CEP131: variants seen among roughly 807,000 people sequenced by gnomAD.
CEP131 encodes the protein centrosomal protein of 131 kDa.
In CEP131, 99 loss-of-function variants were observed where a neutral mutation model predicts 136.8. The observed-to-expected ratio is 0.72, with a 90% CI of 0.62 to 0.86. CEP131 has a LOEUF of 0.86. Ranked by LOEUF, CEP131 falls within the 40% of genes least tolerant of loss-of-function variation. The probability of loss-of-function intolerance (pLI) is 0.00; values close to 1 mark genes in which losing one functional copy is unlikely to be tolerated. For synonymous variants in CEP131, 646 were observed against 612.7 expected, an observed-to-expected ratio of 1.05 and a Z score of -0.80; for missense variants, 1,459 against 1,463.0, an observed-to-expected ratio of 1.00 and a Z score of 0.04.
intron 3 of CEP131, among the ~76,000 whole-genome samples, chr17:81,207,505 TTTTC>T (rs2062033727): frequency 6.6e-6 from 1 of 151,000 alleles, no homozygotes; most frequent in Non-Finnish European, 1.5e-5. Context: ...TTGTTTTTTC[TTTTC>T]TTTTTTTTTT....
intron 1 of CEP131, among the ~76,000 whole-genome samples, chr17:81,220,530 T>C (rs113968954): frequency 0.069 from 10,530 of 152,214 alleles, 824 homozygotes; most frequent in African/African-American, 0.2. Flanking sequence ...GTCTCGTTCT[T>C]GTCACCCAGG....
intron 5 of CEP131, among the ~76,000 whole-genome samples, chr17:81,205,376 CAGTGGGGT>C (rs2061981872): frequency 8.6e-6 from 1 of 116,858 alleles, no homozygotes; most frequent in Admixed American, 8.3e-5. Context: ...GGAGGGGCAG[CAGTGGGGT>C]AGGAGGGGCA....
At chr17:81,191,578 C>A (rs1032448357) in intron 21 of CEP131, among the ~76,000 whole-genome samples, 2 of 152,200 alleles carry the variant, frequency 1.3e-5, no homozygotes, top group Non-Finnish European at 2.9e-5. Flanking sequence ...AGACCCACAG[C>A]CCATGACAAC....
In CEP131 at chr17:81,192,987, A is replaced by G. The variant is rs551368080; in HGVS notation, c.2322-144T>C. On this transcript the variant is annotated intron_variant, in intron 18 of 25. Transcript: ENST00000450824. Reference sequence around the variant, plus strand: ...GCCCTGCCCCTCCCCCTCGGCAGTCAAGGCCCCTCAAAGCCACCGCCCGGG... The same window carrying G: ...GCCCTGCCCCTCCCCCTCGGCAGTCGAGGCCCCTCAAAGCCACCGCCCGGG... 5.9e-5 allele frequency: 80 copies of G among 1,361,252 alleles called. No homozygotes were observed. In the Admixed American group the frequency reaches 1.1e-3, roughly 18 times the overall value. The allele number at this position is 1,361,252 out of a possible 1,614,324, so 84.3% of individuals were successfully genotyped here.
Position 81,206,831 on chromosome 17 carries a change from C to T in CEP131, c.428G>A (p.Arg143Gln), listed in dbSNP as rs771788452. The T allele has an allele frequency of 2.7e-5, 43 of 1,613,950 alleles. No individual in the cohort carries two copies. Among genetic ancestry groups the T allele is most frequent in the East Asian group, 1.8e-4 (8 of 44,886 alleles). ...TGGTGAGTCAAGGGCACTGGAACTCCGGGCATTGGATGGCAAGGTGAAGCC... is the reference window on the plus strand; with the variant it reads ...TGGTGAGTCAAGGGCACTGGAACTCTGGGCATTGGATGGCAAGGTGAAGCC... Reference protein sequence around the residue: ...PRGFTLPSNARSSSALDSPAG... With the variant: ...PRGFTLPSNAQSSSALDSPAG... The change falls in exon 5 of 26, where the codon CGG (arginine) becomes CAG (glutamine). Residue 143 changes from arginine (R) to glutamine (Q), a missense_variant. By Grantham distance (43) the Arg-to-Gln change is conservative. Transcript: ENST00000450824.
At chr17:81,216,941 C>T (rs929228670) in intron 2 of CEP131, among the ~76,000 whole-genome samples, 9 of 151,862 alleles carry the variant, frequency 5.9e-5, no homozygotes, top group African/African-American at 9.7e-5. Flanking sequence ...ACGGACACCA[C>T]GGTGGAAAGG....
chr17:81,216,400 G>A (rs2062247680), intron 2 of CEP131, among the ~76,000 whole-genome samples: 1 of 152,126 alleles, frequency 6.6e-6, no homozygotes, highest in South Asian at 2.1e-4. Context: ...GCAGGGTGGT[G>A]AGCACCTGTA....
chr17:81,195,302 C>T (rs112818732), intron 16 of CEP131, among the ~76,000 whole-genome samples: 12,954 of 152,196 alleles, frequency 0.085, 715 homozygotes, highest in African/African-American at 0.16. Flanking sequence ...TGGCAGTCCT[C>T]AACCCCGGCT....
At chr17:81,206,999 C>A in intron 4 of CEP131, 126 bp downstream of exon 4, 1 of 1,519,224 alleles carries the variant, frequency 6.6e-7, no homozygotes, top group South Asian at 1.3e-5. Context: ...TGGGGTCTGC[C>A]ATGTCAGATC....
chr17:81,193,986 T>C lies in CEP131; in HGVS notation c.2261A>G (p.Glu754Gly). The C allele has an allele frequency of 6.5e-7, 1 of 1,549,658 alleles. No individual in the cohort carries two copies. Among genetic ancestry groups the C allele is most frequent in the African/African-American group, 1.4e-5 (1 of 72,826 alleles). ...RCLRQAEELR[E>G]QLEREKEALG... ...CGCCTCCTTCTCCCGCTCCAGCTGC[T>C]CCCGCAGCTCCTCGGCCTGGCGCAG... The change falls in exon 18 of 26, where the codon GAG becomes GGG. Residue 754 changes from glutamate (E) to glycine (G), a missense_variant. Glu to Gly is a moderately conservative substitution (Grantham distance 98). This residue lies in a region of CEP131 where 1,026 missense variants were observed against 964.2 expected (regional missense o/e 1.06). Coordinates refer to ENST00000450824, the MANE Select transcript of CEP131 (RefSeq NM_014984.4).
chr17:81,196,742 A>G lies in CEP131; in HGVS notation c.1858T>C (p.Tyr620His). 1 of 1,603,166 alleles carries G rather than the reference A, an allele frequency of 6.2e-7. No individual in the cohort carries two copies. Among genetic ancestry groups the G allele is most frequent in the Non-Finnish European group, 8.5e-7 (1 of 1,177,016 alleles). The stretch of plus-strand genomic sequence containing the variant: ...AAGTGCCGCTGGATGGTGGCCTCGT[A>G]GTGCTCCCTCTGCCGCTGCAGCTGC... ...SRQLQRQREHYEATIQRHLAF... is the reference protein window; with the variant it reads ...SRQLQRQREHHEATIQRHLAF... Residue 620 changes from tyrosine (Y) to histidine (H), a missense_variant, in exon 15 of 26, where the codon TAC (tyrosine) becomes CAC (histidine). Transcript: ENST00000450824.
chr17:81,192,609 A>G lies in CEP131; in HGVS notation c.2430-16T>C, dbSNP rs756880021. ...CGCCCGCTGCCTGCGGCCAGGGAGG[A>G]GTCAGCAGGTGAGGGGTCATCGAGT... is the stretch of plus-strand genomic sequence containing the variant. On this transcript the variant is annotated splice_polypyrimidine_tract_variant and intron_variant, in intron 19 of 25. Coordinates refer to ENST00000450824, the MANE Select transcript of CEP131 (RefSeq NM_014984.4). The G allele has an allele frequency of 1.3e-6, 2 of 1,534,450 alleles. No homozygotes were observed. Among genetic ancestry groups the G allele is most frequent in the Non-Finnish European group, 1.8e-6 (2 of 1,139,322 alleles).
At chr17:81,213,486 G>A (rs2062178858) in intron 2 of CEP131, among the ~76,000 whole-genome samples, 1 of 151,898 alleles carries the variant, frequency 6.6e-6, no homozygotes, top group Admixed American at 6.6e-5. Context: ...TTGAACCCGG[G>A]AGGCGGAGAT....
Position 81,197,035 on chromosome 17 carries a change from C to A in CEP131, c.1668G>T (p.Gly556=). 1.3e-6 allele frequency: 2 copies of A among 1,589,004 alleles called. No individual in the cohort carries two copies. The highest frequency in any genetic ancestry group is 1.7e-6 in the Non-Finnish European group (2 of 1,167,918). Residue 556 remains glycine, a synonymous_variant, in exon 14 of 26, where the codon GGG becomes GGT. Coordinates refer to ENST00000450824, the MANE Select transcript of CEP131 (RefSeq NM_014984.4). ...SQQEGWVPEA[G]PGPLELGSEV... ...CGGACCCCAGCTCCAGGGGCCCCGG[C>A]CCCGCCTCCGGCACCCACCCCTGCA...
intron 2 of CEP131, among the ~76,000 whole-genome samples, chr17:81,216,937 A>G (rs973266201): frequency 6.6e-6 from 1 of 151,930 alleles, no homozygotes; most frequent in Non-Finnish European, 1.5e-5. Context: ...ACTGACGGAC[A>G]CCACGGTGGA....
rs9896314 is a variant in CEP131 at position 81,208,867 on chromosome 17, A to G, written c.272+61T>C. 0.95 allele frequency: 1,257,828 copies of G among 1,326,124 alleles called. 597,395 individuals carry two copies. Among genetic ancestry groups the G allele is most frequent in the Non-Finnish European group, 0.96 (894,706 of 929,282 alleles). 82.1% of individuals were successfully genotyped at this position (1,326,124 alleles called of 1,614,324 possible). On this transcript the variant is annotated intron_variant, in intron 3 of 25. Coordinates refer to ENST00000450824, the MANE Select transcript of CEP131 (RefSeq NM_014984.4). This position sits in a 1 kb window ranked among gnomAD's most constrained non-coding sequence, Gnocchi z 5.6. ...GAGCAGAGGCAGGGAGGAGCAGGCCAGGGTGGGGCACCTGAGGTCCCGGGA... is the reference window on the plus strand; with the variant it reads ...GAGCAGAGGCAGGGAGGAGCAGGCCGGGGTGGGGCACCTGAGGTCCCGGGA...
rs1284865443 is a variant in CEP131 at position 81,219,453 on chromosome 17, C to T, written c.177+427G>A. On this transcript the variant is annotated intron_variant, in intron 2 of 25. Coordinates refer to ENST00000450824, the MANE Select transcript of CEP131 (RefSeq NM_014984.4). The surrounding 1 kb of genome is among the most constrained non-coding windows in gnomAD (Gnocchi z 4.0). The stretch of plus-strand genomic sequence containing the variant: ...GGATTACAGGCATGCACCACCATGC[C>T]CGGCTAATTTTTTTTTGTATCTTTA... Among the ~76,000 whole-genome samples, 2 of 152,000 alleles carry T rather than the reference C, an allele frequency of 1.3e-5. No homozygotes were observed. The highest frequency in any genetic ancestry group is 2.9e-5 in the Non-Finnish European group (2 of 67,988).
Position 81,219,635 on chromosome 17 carries a change from C to T in CEP131, c.177+245G>A, listed in dbSNP as rs1246178962. Among the ~76,000 whole-genome samples, 1 of 152,126 alleles carries T rather than the reference C, an allele frequency of 6.6e-6. No homozygotes were observed. Among genetic ancestry groups the T allele is most frequent in the East Asian group, 1.9e-4 (1 of 5,178 alleles). On this transcript the variant is annotated intron_variant, in intron 2 of 25. Coordinates refer to ENST00000450824, the MANE Select transcript of CEP131 (RefSeq NM_014984.4). The surrounding 1 kb of genome is among the most constrained non-coding windows in gnomAD (Gnocchi z 4.0). ...TGAGGATTCAAACAAATCCAAAGGG[C>T]GGTGGCACAGGAGGCCTGGGGCTGT...
chr17:81,192,685 G>GGGGGGGGGGGCGCCC, intron 19 of CEP131, 51 bp downstream of exon 19: 5 of 478,418 alleles, frequency 1.0e-5, no homozygotes, highest in Non-Finnish European at 2.0e-5. Flanking sequence ...GGGGGGAGGG[G>GGGGGGGGGGGCGCCC]TCAGCCAGCG....
Sources: allele counts gnomAD v4.1 joint callset (sites outside exome capture counted in the v4.1 genomes callset), GRCh38; gene constraint gnomAD v4.1.1; regional missense constraint gnomAD v4.1.1; non-coding constraint Gnocchi (gnomAD v3.1); transcripts MANE v1.5; gene names NCBI Gene and HGNC (gene_info 2026-07-23, HGNC 2026-07-21).